ARHGAP6: variants seen among roughly 807,000 people sequenced by gnomAD.
ARHGAP6 encodes Rho GTPase activating protein 6.
In ARHGAP6, 16 loss-of-function variants were observed where a neutral mutation model predicts 55.7. The observed-to-expected ratio is 0.29, with a 90% CI of 0.19 to 0.44. The LOEUF (loss-of-function observed/expected upper bound fraction) is 0.44. Ranked by LOEUF, ARHGAP6 falls within the 20% of genes least tolerant of loss-of-function variation. The pLI is 1.00. For synonymous variants in ARHGAP6, 382 were observed against 360.9 expected (o/e 1.06, Z -0.66); for missense variants, 698 against 808.9 (o/e 0.86, Z 1.66).
intron 1 of ARHGAP6, among the ~76,000 whole-genome samples, chrX:11,402,804 C>T (rs974897573): frequency 2.7e-5 from 3 of 111,674 alleles, no homozygotes; most frequent in Non-Finnish European, 5.6e-5. Flanking sequence ...TGTGGCAGAG[C>T]GTAGGAGGAT....
intron 1 of ARHGAP6, among the ~76,000 whole-genome samples, chrX:11,628,456 T>G (rs2052323961): frequency 8.9e-6 from 1 of 112,435 alleles, no homozygotes; most frequent in African/African-American, 3.3e-5. Flanking sequence ...TTTAAAGGAT[T>G]TCTTATTGAA....
At chrX:11,208,544 C>G (rs2046742000) in intron 2 of ARHGAP6, among the ~76,000 whole-genome samples, 1 of 112,274 alleles carries the variant, frequency 8.9e-6, no homozygotes, top group South Asian at 3.7e-4. Flanking sequence ...AAACCCTGCA[C>G]TTTCCAAAGA....
chrX:11,302,263 C>T (rs1330320768), intron 1 of ARHGAP6, among the ~76,000 whole-genome samples: 1 of 112,227 alleles, frequency 8.9e-6, no homozygotes, highest in African/African-American at 3.2e-5. Context: ...TTTTATCAGA[C>T]AGCATTGCTC....
chrX:11,489,542 A>G (rs1408964699), intron 1 of ARHGAP6, among the ~76,000 whole-genome samples: 1 of 112,542 alleles, frequency 8.9e-6, no homozygotes, highest in Non-Finnish European at 1.9e-5. Context: ...CATAAACCAT[A>G]CTTAAACAAA....
At chrX:11,177,385 C>T (rs762990914) in intron 8 of ARHGAP6, among the ~76,000 whole-genome samples, 2 of 106,475 alleles carry the variant, frequency 1.9e-5, no homozygotes, top group Admixed American at 1.0e-4. Flanking sequence ...GGGGGGCACA[C>T]TGGGGCCTGA....
intron 1 of ARHGAP6, among the ~76,000 whole-genome samples, chrX:11,367,242 C>CTA (rs2049093817): frequency 8.9e-6 from 1 of 111,884 alleles, no homozygotes; most frequent in Non-Finnish European, 1.9e-5. Context: ...TGAGTGTAAA[C>CTA]TATTCTTATG....
intron 1 of ARHGAP6, among the ~76,000 whole-genome samples, chrX:11,360,089 C>T (rs1339472887): frequency 3.4e-4 from 38 of 111,368 alleles, no homozygotes; most frequent in Admixed American, 6.7e-4. Flanking sequence ...AAGGAGGAAC[C>T]AGTACCATTC....
intron 10 of ARHGAP6, among the ~76,000 whole-genome samples, chrX:11,153,773 C>G (rs1041718556): frequency 4.5e-5 from 5 of 110,554 alleles, no homozygotes; most frequent in African/African-American, 1.6e-4. Flanking sequence ...TAATGCTAGT[C>G]TCTGACATAC....
intron 1 of ARHGAP6, among the ~76,000 whole-genome samples, chrX:11,479,012 C>T (rs945814424): frequency 8.9e-6 from 1 of 112,111 alleles, no homozygotes; most frequent in Non-Finnish European, 1.9e-5. Flanking sequence ...AAGCTCCAGG[C>T]AGGCAATGGG....
intron 1 of ARHGAP6, among the ~76,000 whole-genome samples, chrX:11,268,380 A>G (rs903447845): frequency 1.8e-5 from 2 of 111,882 alleles, no homozygotes; most frequent in Non-Finnish European, 3.8e-5. Context: ...ATAACAGTAG[A>G]AGTTTACTGA....
chrX:11,511,339 G>A (rs1041644129), intron 1 of ARHGAP6, among the ~76,000 whole-genome samples: 2 of 112,116 alleles, frequency 1.8e-5, no homozygotes, highest in African/African-American at 3.2e-5. Context: ...AGAAGAAATG[G>A]CACTTGCCTC....
chrX:11,612,180 G>T (rs940582545), intron 1 of ARHGAP6, among the ~76,000 whole-genome samples: 1 of 111,465 alleles, frequency 9.0e-6, no homozygotes, highest in Non-Finnish European at 1.9e-5. Flanking sequence ...ATAATTCCAC[G>T]TGTCTGTTTG....
At chrX:11,630,764 TTGAC>T (rs1425281661) in intron 1 of ARHGAP6, among the ~76,000 whole-genome samples, 1 of 112,110 alleles carries the variant, frequency 8.9e-6, no homozygotes, top group Non-Finnish European at 1.9e-5. Flanking sequence ...CATTCTTCCT[TTGAC>T]TGGCAATAAG....
At chrX:11,236,039 T>C (rs1750242393) in intron 2 of ARHGAP6, among the ~76,000 whole-genome samples, 3 of 112,051 alleles carry the variant, frequency 2.7e-5, no homozygotes. Context: ...GGTATCCTTA[T>C]AGCAGCACCC....
At chrX:11,544,740 T>C (rs141700596) in intron 1 of ARHGAP6, among the ~76,000 whole-genome samples, 11 of 112,225 alleles carry the variant, frequency 9.8e-5, no homozygotes, top group African/African-American at 2.9e-4. Context: ...TGCGAATAAA[T>C]TGACTCTCCA....
chrX:11,343,658 G>A (rs1044574749), intron 1 of ARHGAP6, among the ~76,000 whole-genome samples: 8 of 111,105 alleles, frequency 7.2e-5, no homozygotes, highest in African/African-American at 6.5e-5. Flanking sequence ...ACCCCACCCC[G>A]GACCTACTGA....
At chrX:11,158,650 G>A (rs567534881) in intron 9 of ARHGAP6, among the ~76,000 whole-genome samples, 2 of 112,431 alleles carry the variant, frequency 1.8e-5, no homozygotes, top group Admixed American at 1.9e-4. Flanking sequence ...TCCCATGGCT[G>A]AAGCCATCCA....
chrX:11,610,831 C>T (rs1047947186), intron 1 of ARHGAP6, among the ~76,000 whole-genome samples: 6 of 111,805 alleles, frequency 5.4e-5, no homozygotes, highest in Non-Finnish European at 9.4e-5. Flanking sequence ...TCCCCTCCTC[C>T]AACCTCTCCC....
rs867202974 is a variant in ARHGAP6 at position 11,360,991 on chromosome X, A to G, written c.589-106284T>C. On this transcript the variant is annotated intron_variant, in intron 1 of 12. Coordinates refer to ENST00000337414, the MANE Select transcript of ARHGAP6 (RefSeq NM_013427.3). ...AAGGAGAACTACAAACCACTGCTCA[A>G]TGAAATAAAAGAGGATACAAAGAAA... Among the ~76,000 whole-genome samples, 14 of 110,808 alleles carry G rather than the reference A, an allele frequency of 1.3e-4. No homozygotes were observed. The South Asian group carries it at 5.0e-3, about 40-fold the overall frequency.
Sources: gnomAD v4.1 joint callset for allele counts (sites outside exome capture counted in the v4.1 genomes callset) on GRCh38, gnomAD v4.1.1 for gene constraint, MANE v1.5 for transcripts, NCBI Gene and HGNC (gene_info 2026-07-23, HGNC 2026-07-21) for gene names.